Variants in CAMTA1 observed in about 807,000 individuals in gnomAD.
CAMTA1 encodes calmodulin-binding transcription activator 1.
In CAMTA1, 27 loss-of-function variants were observed where a neutral mutation model predicts 170.9. That is an observed-to-expected ratio of 0.16 (90% confidence interval 0.12 to 0.22). The LOEUF (loss-of-function observed/expected upper bound fraction) is 0.22, where lower values mean the gene tolerates loss of function less well. CAMTA1 is among the 10% of genes least tolerant of loss of function. The pLI is 1.00. For synonymous variants in CAMTA1, 833 were observed against 891.5 expected (o/e 0.93, Z 1.17); for missense variants, 1,619 against 2,217.2 (o/e 0.73, Z 5.42).
chr1:6,803,298 G>A (rs563903360), intron 1 of CAMTA1, among the ~76,000 whole-genome samples: 1 of 152,322 alleles, frequency 6.6e-6, no homozygotes, highest in Admixed American at 6.5e-5. Flanking sequence ...TTCAGAATGG[G>A]TAGAAAGCAG....
Position 7,433,733 on chromosome 1 carries a change from G to T in CAMTA1, c.439-34097G>T, listed in dbSNP as rs561363741. ...ATAGAGAGCAGATTAGTGGCCGCCAGTGGTTAAGAAGGAGTTGGGCTGGGA... is the reference window on the plus strand; with the variant it reads ...ATAGAGAGCAGATTAGTGGCCGCCATTGGTTAAGAAGGAGTTGGGCTGGGA... On this transcript the variant is annotated intron_variant, in intron 5 of 22. Transcript: ENST00000303635. Among the ~76,000 whole-genome samples the T allele has an allele frequency of 2.0e-5, 3 of 152,344 alleles. No individual in the cohort carries two copies. The South Asian group carries it at 6.2e-4, about 32-fold the overall frequency.
chr1:7,614,332 A>G (rs1037687964), intron 6 of CAMTA1, among the ~76,000 whole-genome samples: 4 of 152,112 alleles, frequency 2.6e-5, no homozygotes. Flanking sequence ...TTCTAGCCTC[A>G]GCCACCTATT....
rs1706236590 is a variant in CAMTA1, at chr1:7,050,883, G to A, written c.235-40421G>A. Among the ~76,000 whole-genome samples, 1 of 152,180 alleles carries A rather than the reference G, an allele frequency of 6.6e-6. No homozygotes were observed. The highest frequency in any genetic ancestry group is 2.4e-5 in the African/African-American group (1 of 41,434). ...ATGGGAGCCGTGCACAGGAGCGCTG[G>A]CCATTCGTCTTGAGGCCCCACTGCA... is the stretch of plus-strand genomic sequence containing the variant. On this transcript the variant is annotated intron_variant, in intron 3 of 22. Coordinates refer to ENST00000303635, the MANE Select transcript of CAMTA1 (RefSeq NM_015215.4). The surrounding 1 kb of genome is among the most constrained non-coding windows in gnomAD (Gnocchi z 4.8).
intron 3 of CAMTA1, among the ~76,000 whole-genome samples, chr1:7,087,955 G>A (rs1640966710): frequency 6.6e-6 from 1 of 152,176 alleles, no homozygotes; most frequent in Non-Finnish European, 1.5e-5. Context: ...CTGAGCTTTT[G>A]CAGGGCGGGC....
chr1:7,659,650 G>A (rs1558073042), intron 7 of CAMTA1, among the ~76,000 whole-genome samples: 3 of 152,214 alleles, frequency 2.0e-5, no homozygotes, highest in South Asian at 2.1e-4. Flanking sequence ...GCAGTGTTCC[G>A]GGGCTGAGCC....
At chr1:6,953,768 T>C (rs992564006) in intron 3 of CAMTA1, among the ~76,000 whole-genome samples, 15 of 152,210 alleles carry the variant, frequency 9.9e-5, no homozygotes, top group Admixed American at 2.0e-4. Context: ...TTTCTTTTTT[T>C]TTTTTATGAG....
chr1:7,541,816 AC>A (rs1368985442), intron 6 of CAMTA1, among the ~76,000 whole-genome samples: 1 of 152,058 alleles, frequency 6.6e-6, no homozygotes, highest in Non-Finnish European at 1.5e-5. Context: ...TCCTGCCAGA[AC>A]CCTGGGAGAG....
Position 7,682,763 on chromosome 1 carries a change from C to G in CAMTA1, c.2914+5030C>G, listed in dbSNP as rs1277792019. On this transcript the variant is annotated intron_variant, in intron 11 of 22. Transcript: ENST00000303635. This position sits in a 1 kb window ranked among gnomAD's most constrained non-coding sequence, Gnocchi z 5.0. ...ACTCCAGGGCTTTCTGCTGAGTGGGCCTGGGCCGGCCGCTCCTAGGCTGGC... is the reference window on the plus strand; with the variant it reads ...ACTCCAGGGCTTTCTGCTGAGTGGGGCTGGGCCGGCCGCTCCTAGGCTGGC... Among the ~76,000 whole-genome samples the G allele has an allele frequency of 6.6e-6, 1 of 152,230 alleles. No homozygotes were observed.
chr1:7,311,438 C>T (rs1462958887), intron 5 of CAMTA1, among the ~76,000 whole-genome samples: 3 of 152,070 alleles, frequency 2.0e-5, no homozygotes, highest in African/African-American at 7.2e-5. Context: ...TCTAAAATTT[C>T]CATTTGGTTC....
intron 6 of CAMTA1, among the ~76,000 whole-genome samples, chr1:7,548,354 G>A (rs1242023575): frequency 1.3e-5 from 2 of 152,184 alleles, no homozygotes; most frequent in Non-Finnish European, 2.9e-5. Flanking sequence ...AGATTCCCAT[G>A]CAGGGTGCGC....
chr1:7,703,091 A>T (rs2096459905), intron 11 of CAMTA1, among the ~76,000 whole-genome samples: 2 of 152,166 alleles, frequency 1.3e-5, no homozygotes, highest in Admixed American at 1.3e-4. Flanking sequence ...CGCCCTGGAA[A>T]ACAAACAGAA....
intron 3 of CAMTA1, among the ~76,000 whole-genome samples, chr1:7,005,473 TTTC>T (rs1698849359): frequency 6.6e-6 from 1 of 152,242 alleles, no homozygotes; most frequent in African/African-American, 2.4e-5. Context: ...CTGCCTTCTT[TTTC>T]TTCTTGCTTT....
At chr1:7,091,933 G>T (rs182840884) in intron 4 of CAMTA1, among the ~76,000 whole-genome samples, 3,296 of 152,344 alleles carry the variant, frequency 0.022, 41 homozygotes, top group Middle Eastern at 0.024. Flanking sequence ...TGAAAATATA[G>T]CTGACCTGCG....
rs1660384984 is a variant in CAMTA1, at chr1:6,851,619, C to G, written c.234+26409C>G. On this transcript the variant is annotated intron_variant, in intron 3 of 22. Coordinates refer to ENST00000303635, the MANE Select transcript of CAMTA1 (RefSeq NM_015215.4). ...AGAGGCCAGGTGCGGTGGCTCACTCCTGTGATCCCAGCTCTTTGGGAGACT... is the reference window on the plus strand; with the variant it reads ...AGAGGCCAGGTGCGGTGGCTCACTCGTGTGATCCCAGCTCTTTGGGAGACT... 2.6e-5 allele frequency among the ~76,000 whole-genome samples: 4 copies of G among 152,336 alleles called. No individual in the cohort carries two copies. The South Asian group carries it at 8.3e-4, about 32-fold the overall frequency.
Position 7,067,891 on chromosome 1 carries a change from A to G in CAMTA1, c.235-23413A>G, listed in dbSNP as rs1709163665. On this transcript the variant is annotated intron_variant, in intron 3 of 22. Transcript: ENST00000303635. This position sits in a 1 kb window ranked among gnomAD's most constrained non-coding sequence, Gnocchi z 4.3. The stretch of plus-strand genomic sequence containing the variant: ...CTCAGTTATTGCCAGTGAGATGGCT[A>G]GGCACTTCTAGGACAATTTCCTGGC... 6.6e-6 allele frequency among the ~76,000 whole-genome samples: 1 copy of G among 152,164 alleles called. No individual in the cohort carries two copies. Among genetic ancestry groups the G allele is most frequent in the Non-Finnish European group, 1.5e-5 (1 of 68,024 alleles).
intron 6 of CAMTA1, among the ~76,000 whole-genome samples, chr1:7,604,513 C>T (rs1450167455): frequency 3.3e-5 from 5 of 152,150 alleles, no homozygotes; most frequent in African/African-American, 4.8e-5. Flanking sequence ...GTTCTGAGGC[C>T]GTGGTTTTCA....
chr1:7,245,705 C>T (rs1028131997), intron 4 of CAMTA1, among the ~76,000 whole-genome samples: 5 of 152,238 alleles, frequency 3.3e-5, no homozygotes, highest in East Asian at 1.9e-4. Context: ...TGCCTCTGCA[C>T]GGCTGCAGTG....
Position 7,261,882 on chromosome 1 carries a change from G to T in CAMTA1, c.438+12256G>T, listed in dbSNP as rs141942563. 8.9e-3 allele frequency among the ~76,000 whole-genome samples: 1,349 copies of T among 152,326 alleles called. 18 individuals are homozygous for T. The highest frequency in any genetic ancestry group is 0.04 in the Admixed American group (606 of 15,308). ...TTTCTTTCAAAAATATCAGACAGAGGTTAAATACTGTAATCTTTTCCATAG... is the reference window on the plus strand; with the variant it reads ...TTTCTTTCAAAAATATCAGACAGAGTTTAAATACTGTAATCTTTTCCATAG... On this transcript the variant is annotated intron_variant, in intron 5 of 22. Coordinates refer to ENST00000303635, the MANE Select transcript of CAMTA1 (RefSeq NM_015215.4).
chr1:7,124,923 A>G (rs899066190), intron 4 of CAMTA1, among the ~76,000 whole-genome samples: 5 of 152,262 alleles, frequency 3.3e-5, no homozygotes, highest in Admixed American at 3.3e-4. Context: ...AGGAAGGGGA[A>G]GGGAGGAGAT....
Sources: allele counts gnomAD v4.1 joint callset (sites outside exome capture counted in the v4.1 genomes callset), GRCh38; gene constraint gnomAD v4.1.1; non-coding constraint Gnocchi (gnomAD v3.1); transcripts MANE v1.5; gene names NCBI Gene and HGNC (gene_info 2026-07-23, HGNC 2026-07-21).